The following TBCA variants were observed in gnomAD, a reference collection of about 807,000 sequenced individuals.
TBCA encodes the protein tubulin folding cofactor A, also known as tubulin-specific chaperone A.
TBCA carries 6 observed loss-of-function variants against 15.8 expected under a neutral mutation model. The observed-to-expected ratio is 0.38, with a 90% CI of 0.21 to 0.75. The LOEUF (loss-of-function observed/expected upper bound fraction) is 0.75. Among genes scored for constraint, TBCA ranks in the 30% least tolerant of loss-of-function variants. The pLI, the probability that TBCA is intolerant of heterozygous loss-of-function variation, is 0.46. For missense variants in TBCA, 90 were observed against 131.2 expected, an observed-to-expected ratio of 0.69 and a Z score of 1.53; for synonymous variants, 32 against 42.3, an observed-to-expected ratio of 0.76 and a Z score of 0.94.
intron 2 of TBCA, among the ~76,000 whole-genome samples, chr5:77,706,582 A>C (rs1456993195): frequency 6.6e-6 from 1 of 152,128 alleles, no homozygotes; most frequent in Non-Finnish European, 1.5e-5. Context: ...TGGGAGGCTA[A>C]GGTAGGCAGA....
chr5:77,753,854 G>A, intron 1 of TBCA, among the ~76,000 whole-genome samples: 1 of 152,120 alleles, frequency 6.6e-6, no homozygotes, highest in East Asian at 1.9e-4. Context: ...TGCCTCCTGG[G>A]TTCAAGTGAT....
intron 1 of TBCA, among the ~76,000 whole-genome samples, chr5:77,718,297 A>G (rs759273477): frequency 6.6e-6 from 1 of 152,244 alleles, no homozygotes; most frequent in African/African-American, 2.4e-5. Flanking sequence ...ATCAAGGCCT[A>G]TAAACTGCAA....
At chr5:77,746,080 C>T (rs901691625) in intron 1 of TBCA, among the ~76,000 whole-genome samples, 1 of 152,032 alleles carries the variant, frequency 6.6e-6, no homozygotes, top group Non-Finnish European at 1.5e-5. Flanking sequence ...CTTTGGTTCC[C>T]AACGGGGCAT....
chr5:77,769,224 C>T (rs1357242028), intron 1 of TBCA, among the ~76,000 whole-genome samples: 3 of 152,170 alleles, frequency 2.0e-5, no homozygotes, highest in Non-Finnish European at 4.4e-5. Flanking sequence ...GAATACATTA[C>T]ACAAATTCCT....
intron 1 of TBCA, among the ~76,000 whole-genome samples, chr5:77,753,883 T>C (rs461760): frequency 0.62 from 94,070 of 151,962 alleles, 29,161 homozygotes; most frequent in African/African-American, 0.64. Context: ...TTCAGCCTCA[T>C]GAGTAGCTGG....
At chr5:77,697,814 T>C (rs1376554411) in intron 2 of TBCA, among the ~76,000 whole-genome samples, 4 of 151,874 alleles carry the variant, frequency 2.6e-5, no homozygotes, top group Non-Finnish European at 5.9e-5. Flanking sequence ...AGAAAAGCAA[T>C]AGACAAAACT....
At chr5:77,772,911 T>C (rs1366042519) in intron 1 of TBCA, among the ~76,000 whole-genome samples, 1 of 152,238 alleles carries the variant, frequency 6.6e-6, no homozygotes, top group Admixed American at 6.5e-5. Context: ...ATATGTATTG[T>C]CAGCATATAA....
At chr5:77,763,573 A>T (rs926553280) in intron 1 of TBCA, among the ~76,000 whole-genome samples, 2 of 152,182 alleles carry the variant, frequency 1.3e-5, no homozygotes, top group Admixed American at 6.5e-5. Context: ...AATGAAATCA[A>T]GAGGGTGGAG....
intron 1 of TBCA, among the ~76,000 whole-genome samples, chr5:77,730,419 T>A (rs1424833410): frequency 2.0e-5 from 2 of 98,032 alleles, no homozygotes; most frequent in Non-Finnish European, 5.4e-5. Context: ...GGAGGGAGAA[T>A]GGCCCTGCTG....
intron 1 of TBCA, chr5:77,715,207 T>C (rs1436585593): frequency 1.4e-6 from 1 of 695,584 alleles, no homozygotes; most frequent in Non-Finnish European, 2.6e-6. Flanking sequence ...ATGTAAAAAG[T>C]TGATCTACTA....
intron 1 of TBCA, among the ~76,000 whole-genome samples, chr5:77,752,000 T>C (rs929023672): frequency 6.6e-6 from 1 of 152,188 alleles, no homozygotes; most frequent in African/African-American, 2.4e-5. Context: ...TCTGGTCCAA[T>C]AGGCTGGTTG....
At chr5:77,736,282 G>A (rs1746900559) in intron 1 of TBCA, among the ~76,000 whole-genome samples, 2 of 148,058 alleles carry the variant, frequency 1.4e-5, no homozygotes, top group Admixed American at 1.4e-4. Context: ...GTTGCAGTGA[G>A]CCGAGATCGC....
At chr5:77,721,494 A>C (rs1746527020) in intron 1 of TBCA, among the ~76,000 whole-genome samples, 1 of 151,946 alleles carries the variant, frequency 6.6e-6, no homozygotes, top group Non-Finnish European at 1.5e-5. Flanking sequence ...TTTCATTCAG[A>C]AAAACTTAAG....
intron 1 of TBCA, among the ~76,000 whole-genome samples, chr5:77,750,269 A>C (rs905008318): frequency 3.3e-5 from 5 of 152,062 alleles, no homozygotes; most frequent in Admixed American, 6.5e-5. Context: ...CAAATATTTT[A>C]AAATATATTA....
intron 1 of TBCA, among the ~76,000 whole-genome samples, chr5:77,734,457 T>C (rs352577): frequency 0.38 from 58,004 of 151,944 alleles, 11,113 homozygotes; most frequent in South Asian, 0.41. Context: ...GATTCTAACC[T>C]GCACAGATAA....
intron 1 of TBCA, among the ~76,000 whole-genome samples, chr5:77,746,772 C>G (rs1259121770): frequency 1.3e-5 from 2 of 152,116 alleles, no homozygotes; most frequent in East Asian, 3.8e-4. Flanking sequence ...TAAAGAAATA[C>G]CAAAGCCCCA....
chr5:77,717,786 C>T (rs760933805), intron 1 of TBCA, among the ~76,000 whole-genome samples: 20 of 148,822 alleles, frequency 1.3e-4, no homozygotes, highest in Non-Finnish European at 2.4e-4. Flanking sequence ...GAGCTGAGAT[C>T]GTGCCATTAC....
chr5:77,751,307 G>A (rs190301902), intron 1 of TBCA, among the ~76,000 whole-genome samples: 2 of 151,612 alleles, frequency 1.3e-5, no homozygotes, highest in African/African-American at 2.4e-5. Context: ...GATTATAGGC[G>A]CCCACCACCA....
At chr5:77,718,658 C>T (rs902817323) in intron 1 of TBCA, among the ~76,000 whole-genome samples, 6 of 152,098 alleles carry the variant, frequency 3.9e-5, no homozygotes, top group Non-Finnish European at 7.4e-5. Flanking sequence ...TTTCACTGTT[C>T]CCAAACTTGA....
Sources: allele counts gnomAD v4.1 joint callset (sites outside exome capture counted in the v4.1 genomes callset), GRCh38; gene constraint gnomAD v4.1.1; transcripts MANE v1.5; gene names NCBI Gene and HGNC (gene_info 2026-07-23, HGNC 2026-07-21).